Variants in USP24 observed in about 807,000 individuals in gnomAD.
USP24 encodes the protein ubiquitin specific peptidase 24.
In USP24, 97 loss-of-function variants were observed where a neutral mutation model predicts 361.6. That is an observed-to-expected ratio of 0.27 (90% CI 0.23 to 0.32). USP24 has a LOEUF of 0.32. USP24 is among the 10% of genes least tolerant of loss of function. The pLI is 1.00. For missense variants in USP24, 2,353 were observed against 3,165.6 expected, an observed-to-expected ratio of 0.74 and a Z score of 6.16; for synonymous variants, 1,098 against 1,124.6, an observed-to-expected ratio of 0.98 and a Z score of 0.47.
In USP24 at chr1:55,081,441, T is replaced by TG; in HGVS notation, c.6976-18_6976-17insC. The TG allele has an allele frequency of 6.2e-7, 1 of 1,611,492 alleles. No homozygotes were observed. Among genetic ancestry groups the TG allele is most frequent in the Non-Finnish European group, 8.5e-7 (1 of 1,177,860 alleles). On this transcript the variant is annotated splice_polypyrimidine_tract_variant and intron_variant, in intron 58 of 67. Coordinates refer to ENST00000294383, the MANE Select transcript of USP24 (RefSeq NM_015306.3). The stretch of plus-strand genomic sequence containing the variant: ...TCGACGTATCTGTCATCAGGGAAGA[T>TG]AAAGTGGCTGTTAGTGTTGTCGTCA...
At chr1:55,185,041 T>C (rs978226009) in intron 1 of USP24, among the ~76,000 whole-genome samples, 1 of 152,100 alleles carries the variant, frequency 6.6e-6, no homozygotes. Flanking sequence ...CACTGCAGCC[T>C]TGACCTCCAG....
chr1:55,157,351 T>C lies in USP24; in HGVS notation c.1247A>G (p.Asp416Gly). 6.3e-7 allele frequency: 1 copy of C among 1,589,340 alleles called. No homozygotes were observed. The highest frequency in any genetic ancestry group is 2.3e-5 in the East Asian group (1 of 44,288). Residue 416 changes from aspartate to glycine, a missense_variant, in exon 11 of 68, where the codon GAT becomes GGT. Asp to Gly is a moderately conservative substitution (Grantham distance 94). This residue lies in a region of USP24 where 386 missense variants were observed against 560.5 expected (regional missense o/e 0.69). Transcript: ENST00000294383. ...SLKEVTKLIE[D>G]STLSKSVKNA... ...CTTCACAGATTTGGATAAAGTGCTA[T>C]CTTCTATTAGTTTGGTTACCTAAAA...
intron 16 of USP24, among the ~76,000 whole-genome samples, chr1:55,150,609 G>T (rs1374678892): frequency 6.6e-6 from 1 of 152,084 alleles, no homozygotes; most frequent in African/African-American, 2.4e-5. Context: ...AAAGTATCAT[G>T]ATGGCCAATT....
intron 1 of USP24, among the ~76,000 whole-genome samples, chr1:55,205,349 G>C (rs1246417545): frequency 6.6e-6 from 1 of 152,122 alleles, no homozygotes; most frequent in Non-Finnish European, 1.5e-5. Flanking sequence ...AGGACAAGGG[G>C]AGCATGCAGA....
intron 1 of USP24, among the ~76,000 whole-genome samples, chr1:55,205,129 T>C (rs1295751674): frequency 6.6e-6 from 1 of 152,160 alleles, no homozygotes. Context: ...GGGAAGGCCA[T>C]GTCAGCCAAG....
rs1174336396 is a variant in USP24 at position 55,097,548 on chromosome 1, G to A, written c.5715+50C>T. 2.0e-6 allele frequency: 3 copies of A among 1,519,186 alleles called. No individual in the cohort carries two copies. The East Asian group carries it at 7.4e-5, about 37-fold the overall frequency. 94.1% of individuals were successfully genotyped at this position (1,519,186 alleles called of 1,614,324 possible). Reference sequence around the variant, plus strand: ...ATTGAAAAAGGAAAAAAAAAGAAGTGAGTGAGGAAATGAATGGTTGTGAAA... The same window carrying A: ...ATTGAAAAAGGAAAAAAAAAGAAGTAAGTGAGGAAATGAATGGTTGTGAAA... On this transcript the variant is annotated intron_variant, in intron 48 of 67. Coordinates refer to ENST00000294383, the MANE Select transcript of USP24 (RefSeq NM_015306.3).
chr1:55,183,993 G>C (rs1382706998), intron 1 of USP24, among the ~76,000 whole-genome samples: 8 of 151,974 alleles, frequency 5.3e-5, no homozygotes, highest in South Asian at 2.1e-4. Context: ...AATAACATTG[G>C]GGGGGAAAAA....
intron 38 of USP24, among the ~76,000 whole-genome samples, chr1:55,119,393 T>A (rs896738959): frequency 6.6e-6 from 1 of 152,010 alleles, no homozygotes; most frequent in Non-Finnish European, 1.5e-5. Flanking sequence ...GAAAGTAGAA[T>A]GGTGGTTGCC....
At chr1:55,144,602 T>C (rs1437636124) in intron 20 of USP24, among the ~76,000 whole-genome samples, 1 of 152,172 alleles carries the variant, frequency 6.6e-6, no homozygotes, top group Non-Finnish European at 1.5e-5. Context: ...TATAAATAGA[T>C]GCTTAATATA....
chr1:55,146,200 A>T, intron 19 of USP24, 91 bp from the exon 20 acceptor site: 4 of 868,042 alleles, frequency 4.6e-6, no homozygotes. Flanking sequence ...ACATTTTAAT[A>T]CTTCAAATGT....
At position 55,071,860 on chromosome 1, in the gene USP24, G is replaced by T; in HGVS notation, c.7754C>A (p.Ser2585Ter). 1 of 1,613,340 alleles carries T rather than the reference G, an allele frequency of 6.2e-7. No individual in the cohort carries two copies. Among genetic ancestry groups the T allele is most frequent in the Non-Finnish European group, 8.5e-7 (1 of 1,179,748 alleles). Residue 2585 changes from serine (S) to a stop codon, truncating the protein, a stop_gained, in exon 67 of 68, where the codon TCG becomes TAG. Coordinates refer to ENST00000294383, the MANE Select transcript of USP24 (RefSeq NM_015306.3). LOFTEE classifies it high-confidence loss of function. Reference protein sequence around the residue: ...EKEQSGSSNGSESSPANENGD... With the variant: ...EKEQSGSSNG The stretch of plus-strand genomic sequence containing the variant: ...GTTCTCATTGGCAGGACTACTCTCC[G>T]ACCCATTACTGCTTCCTGATTGCTC...
chr1:55,184,603 AC>A (rs1644074847), intron 1 of USP24, among the ~76,000 whole-genome samples: 1 of 152,074 alleles, frequency 6.6e-6, no homozygotes, highest in Non-Finnish European at 1.5e-5. Context: ...CATTTACAGA[AC>A]TCTCCACCCA....
intron 16 of USP24, among the ~76,000 whole-genome samples, chr1:55,150,789 T>G (rs543271596): frequency 6.6e-6 from 1 of 152,202 alleles, no homozygotes; most frequent in Non-Finnish European, 1.5e-5. Flanking sequence ...GTTTATTTCA[T>G]CTTATCTATG....
At position 55,147,041 on chromosome 1, in the gene USP24, T is replaced by C. The variant is rs755549080; in HGVS notation, c.2138A>G (p.Lys713Arg). ...TTCTTGCAAGAAAAACGCTAGAAAT[T>C]TTAGATGTGCCTCTAAATACTGCAA... ...TYREYLEAHL[K>R]FLAFFLQEAT... The change falls in exon 19 of 68, where the codon AAA becomes AGA. Residue 713 changes from lysine (K) to arginine (R), a missense_variant. Coordinates refer to ENST00000294383, the MANE Select transcript of USP24 (RefSeq NM_015306.3). 5 of 1,593,656 alleles carry C rather than the reference T, an allele frequency of 3.1e-6. No individual in the cohort carries two copies. The highest frequency in any genetic ancestry group is 4.3e-6 in the Non-Finnish European group (5 of 1,172,642).
intron 1 of USP24, among the ~76,000 whole-genome samples, chr1:55,188,981 AAAAAAAAAAAAAAAGAC>A (rs1644213119): frequency 6.7e-6 from 1 of 149,358 alleles, no homozygotes. Flanking sequence ...AAAAAAAAAA[AAAAAAAAAAAAAAAGAC>A]AGGAAATAAC....
intron 45 of USP24, among the ~76,000 whole-genome samples, chr1:55,099,553 G>A (rs923003423): frequency 6.6e-6 from 1 of 151,348 alleles, no homozygotes; most frequent in African/African-American, 2.4e-5. Flanking sequence ...GCGAGACTCT[G>A]TCTCAAAAAA....
At chr1:55,201,059 A>G (rs1334621672) in intron 1 of USP24, among the ~76,000 whole-genome samples, 4 of 152,244 alleles carry the variant, frequency 2.6e-5, no homozygotes, top group African/African-American at 9.6e-5. Context: ...ATACAAGGTA[A>G]ACACTGTGAC....
At chr1:55,148,407 G>T in intron 17 of USP24, 56 bp downstream of exon 17, 2 of 1,330,502 alleles carry the variant, frequency 1.5e-6, no homozygotes, top group Non-Finnish European at 2.1e-6. Context: ...GCCATGTTTT[G>T]TTATTGTAAA....
At chr1:55,139,759 C>T (rs967342861) in intron 24 of USP24, among the ~76,000 whole-genome samples, 7 of 152,076 alleles carry the variant, frequency 4.6e-5, no homozygotes, top group African/African-American at 1.7e-4. Flanking sequence ...TGCTGATTAG[C>T]AGTACCAAAA....
Sources: allele counts gnomAD v4.1 joint callset (sites outside exome capture counted in the v4.1 genomes callset), GRCh38; gene constraint gnomAD v4.1.1; regional missense constraint gnomAD v4.1.1; transcripts MANE v1.5; gene names NCBI Gene and HGNC (gene_info 2026-07-23, HGNC 2026-07-21).